The following FAM135B variants were observed in gnomAD, a reference collection of about 807,000 sequenced individuals.
FAM135B encodes the protein protein FAM135B.
In FAM135B, 43 loss-of-function variants were observed where a neutral mutation model predicts 127.7. That is an observed-to-expected ratio of 0.34 (90% CI 0.26 to 0.43). The LOEUF (loss-of-function observed/expected upper bound fraction) is 0.43. Ranked by LOEUF, FAM135B falls within the 20% of genes least tolerant of loss-of-function variation. The probability of loss-of-function intolerance (pLI) is 1.00; values close to 1 mark genes in which losing one functional copy is unlikely to be tolerated. For synonymous variants in FAM135B, 670 were observed against 665.1 expected (o/e 1.01, Z -0.11); for missense variants, 1,558 against 1,725.6 (o/e 0.90, Z 1.72).
chr8:138,314,014 T>A (rs545769675), intron 2 of FAM135B, among the ~76,000 whole-genome samples: 1 of 152,086 alleles, frequency 6.6e-6, no homozygotes, highest in Non-Finnish European at 1.5e-5. Context: ...TTTGTTGGTG[T>A]TCCACTGTTT....
intron 3 of FAM135B, among the ~76,000 whole-genome samples, chr8:138,296,287 A>G (rs1388409331): frequency 6.6e-6 from 1 of 152,166 alleles, no homozygotes; most frequent in Non-Finnish European, 1.5e-5. Flanking sequence ...TCCACCTTCA[A>G]ACTTATCCTC....
In FAM135B at chr8:138,241,084, C is replaced by T. The variant is rs1037649284; in HGVS notation, c.669+1858G>A. Among the ~76,000 whole-genome samples the T allele has an allele frequency of 7.2e-5, 11 of 152,256 alleles. No individual in the cohort carries two copies. Among genetic ancestry groups the T allele is most frequent in the Non-Finnish European group, 1.2e-4 (8 of 68,026 alleles). ...GGGGGCTGAAGGAAGGAAGACTGGA[C>T]ATAGGGAGAAGCTGAACTGTGATGT... is the stretch of plus-strand genomic sequence containing the variant. On this transcript the variant is annotated intron_variant, in intron 7 of 19. Transcript: ENST00000395297. The surrounding 1 kb of genome is among the most constrained non-coding windows in gnomAD (Gnocchi z 4.8).
At chr8:138,172,880 G>T (rs780544134) in intron 11 of FAM135B, among the ~76,000 whole-genome samples, 1 of 152,120 alleles carries the variant, frequency 6.6e-6, no homozygotes, top group Admixed American at 6.6e-5. Flanking sequence ...TCCCCTCCCT[G>T]CCCACTCCTC....
chr8:138,212,559 C>T (rs1818225498), intron 7 of FAM135B, among the ~76,000 whole-genome samples: 1 of 152,204 alleles, frequency 6.6e-6, no homozygotes, highest in South Asian at 2.1e-4. Flanking sequence ...ATTGGATTTG[C>T]TCACAATGAC....
intron 7 of FAM135B, among the ~76,000 whole-genome samples, chr8:138,206,430 G>A (rs79630896): frequency 0.18 from 3,204 of 17,932 alleles, no homozygotes; most frequent in Admixed American, 0.21. Flanking sequence ...CCTACACACA[G>A]CTCTATCATC....
At chr8:138,286,725 T>C (rs1407160741) in intron 3 of FAM135B, among the ~76,000 whole-genome samples, 1 of 152,198 alleles carries the variant, frequency 6.6e-6, no homozygotes, top group African/African-American at 2.4e-5. Context: ...AGCAGGAGAT[T>C]TCTGTGTGTT....
At chr8:138,371,136 C>T (rs1000375903) in intron 1 of FAM135B, among the ~76,000 whole-genome samples, 2 of 152,198 alleles carry the variant, frequency 1.3e-5, no homozygotes, top group African/African-American at 4.8e-5. Context: ...TTCTTGTGAG[C>T]TGCATGACCT....
intron 1 of FAM135B, chr8:138,425,599 T>C (rs1328922338): frequency 6.6e-6 from 1 of 152,114 alleles, no homozygotes; most frequent in African/African-American, 2.4e-5. Flanking sequence ...AAATGAACAT[T>C]CCATTTGGAA....
chr8:138,444,140 G>T (rs1279506640), intron 1 of FAM135B, among the ~76,000 whole-genome samples: 1 of 152,150 alleles, frequency 6.6e-6, no homozygotes, highest in Non-Finnish European at 1.5e-5. Context: ...GGAGCACCCA[G>T]ATTCATAAAG....
chr8:138,357,282 T>C (rs1042831760), intron 2 of FAM135B, among the ~76,000 whole-genome samples: 1 of 152,038 alleles, frequency 6.6e-6, no homozygotes, highest in African/African-American at 2.4e-5. Context: ...ATAAAACAAG[T>C]GAAATGTCCA....
At chr8:138,261,894 A>G (rs4909414) in intron 4 of FAM135B, among the ~76,000 whole-genome samples, 45,241 of 152,106 alleles carry the variant, frequency 0.3, 7,035 homozygotes, top group East Asian at 0.47. Flanking sequence ...CCAACTGGCT[A>G]TCAGCAGTGT....
chr8:138,179,113 T>C lies in FAM135B; in HGVS notation c.874-423A>G, dbSNP rs569817192. Among the ~76,000 whole-genome samples the C allele has an allele frequency of 5.9e-5, 9 of 152,296 alleles. No individual in the cohort carries two copies. The East Asian group carries it at 1.2e-3, about 20-fold the overall frequency. ...TTATCCTGGATATCCCCTTTCAACT[T>C]TTCTATCCAAGCCTTCTAATCCCAT... On this transcript the variant is annotated intron_variant, in intron 9 of 19. Coordinates refer to ENST00000395297, the MANE Select transcript of FAM135B (RefSeq NM_015912.4).
intron 12 of FAM135B, among the ~76,000 whole-genome samples, chr8:138,158,487 C>T (rs1819003710): frequency 6.6e-6 from 1 of 152,098 alleles, no homozygotes; most frequent in Admixed American, 6.5e-5. Flanking sequence ...AAGAAACTAC[C>T]ATCAGAGTGA....
intron 2 of FAM135B, among the ~76,000 whole-genome samples, chr8:138,330,818 C>G (rs1828115346): frequency 6.6e-6 from 1 of 152,022 alleles, no homozygotes; most frequent in African/African-American, 2.4e-5. Flanking sequence ...CCAGAATAAG[C>G]TGTCGGCCAC....
rs764754014 is a variant in FAM135B, at chr8:138,151,553, G to A, written c.2922C>T (p.Ala974=). 24 of 1,614,096 alleles carry A rather than the reference G, an allele frequency of 1.5e-5. No individual in the cohort carries two copies. Among genetic ancestry groups the A allele is most frequent in the Non-Finnish European group, 1.8e-5 (21 of 1,180,048 alleles). ...CTGCTTTATGTTTAGCCTCCGGGAAGGCATTCACTCCTCTATTAAATGCTG... is the reference window on the plus strand; with the variant it reads ...CTGCTTTATGTTTAGCCTCCGGGAAAGCATTCACTCCTCTATTAAATGCTG... ...DDTAFNRGVN[A]FPEAKHKAGT... is the part of the protein sequence containing the mutation. The change falls in exon 13 of 20, where the codon GCC becomes GCT. Residue 974 remains alanine, a synonymous_variant. Coordinates refer to ENST00000395297, the MANE Select transcript of FAM135B (RefSeq NM_015912.4).
chr8:138,253,900 G>T (rs144283585), intron 5 of FAM135B, among the ~76,000 whole-genome samples: 11 of 152,136 alleles, frequency 7.2e-5, no homozygotes, highest in Non-Finnish European at 1.6e-4. Context: ...CTCAATTTAT[G>T]AAAATTAAAA....
intron 7 of FAM135B, among the ~76,000 whole-genome samples, chr8:138,226,248 A>T (rs1302780649): frequency 6.6e-6 from 1 of 150,454 alleles, no homozygotes; most frequent in Non-Finnish European, 1.5e-5. Flanking sequence ...GTTTATGTTG[A>T]ACACTATGGT....
intron 6 of FAM135B, among the ~76,000 whole-genome samples, chr8:138,247,930 G>A (rs1821410475): frequency 6.6e-6 from 1 of 152,162 alleles, no homozygotes. Flanking sequence ...TAGCACAAAG[G>A]ATGTTTCTTC....
In FAM135B at chr8:138,243,163, T is replaced by C; in HGVS notation, c.543-95A>G. The C allele has an allele frequency of 7.0e-7, 1 of 1,431,632 alleles. No homozygotes were observed. Among genetic ancestry groups the C allele is most frequent in the Non-Finnish European group, 9.3e-7 (1 of 1,074,124 alleles). 88.7% of individuals were successfully genotyped at this position (1,431,632 alleles called of 1,614,324 possible). A position where few individuals can be genotyped will look rare whatever the true frequency, so the allele number is the denominator to read the frequency against. The stretch of plus-strand genomic sequence containing the variant: ...TTTGAGGAGTGTTCCTGTGAAGCAT[T>C]TGGGATAAGTCATTTAGGAGTAGTT... On this transcript the variant is annotated intron_variant, in intron 6 of 19. Coordinates refer to ENST00000395297, the MANE Select transcript of FAM135B (RefSeq NM_015912.4). The surrounding 1 kb of genome is among the most constrained non-coding windows in gnomAD (Gnocchi z 7.5).
Sources: allele counts gnomAD v4.1 joint callset (sites outside exome capture counted in the v4.1 genomes callset), GRCh38; gene constraint gnomAD v4.1.1; non-coding constraint Gnocchi (gnomAD v3.1); transcripts MANE v1.5; gene names NCBI Gene and HGNC (gene_info 2026-07-23, HGNC 2026-07-21).